The following ARMC8 variants were observed in gnomAD, a reference collection of about 807,000 sequenced individuals.
ARMC8 encodes the protein armadillo repeat containing 8.
In ARMC8, 20 loss-of-function variants were observed where a neutral mutation model predicts 99.3. That is an observed-to-expected ratio of 0.20 (90% CI 0.14 to 0.29). The LOEUF (loss-of-function observed/expected upper bound fraction) is 0.29. Ranked by LOEUF, ARMC8 falls within the 10% of genes least tolerant of loss-of-function variation. ARMC8 has a pLI of 1.00. For synonymous variants in ARMC8, 263 were observed against 278.3 expected (o/e 0.95, Z 0.55); for missense variants, 569 against 809.5 (o/e 0.70, Z 3.60).
intron 1 of ARMC8, among the ~76,000 whole-genome samples, chr3:138,198,067 C>T (rs1017505886): frequency 2.6e-5 from 4 of 152,138 alleles, no homozygotes; most frequent in Non-Finnish European, 4.4e-5. Flanking sequence ...TGGTGCCGTA[C>T]ACCTGTAGTC....
At chr3:138,294,629 G>A (rs2051295795) in intron 21 of ARMC8, among the ~76,000 whole-genome samples, 1 of 152,134 alleles carries the variant, frequency 6.6e-6, no homozygotes, top group Non-Finnish European at 1.5e-5. Context: ...TGTATGCATA[G>A]TCTACTTGGT....
At chr3:138,287,553 A>G in intron 19 of ARMC8, 1 of 451,340 alleles carries the variant, frequency 2.2e-6, no homozygotes, top group Non-Finnish European at 4.5e-6. Flanking sequence ...TATAGTATAT[A>G]CAAGCTCATT....
intron 6 of ARMC8, among the ~76,000 whole-genome samples, chr3:138,234,571 A>G (rs2046235661): frequency 6.6e-6 from 1 of 152,082 alleles, no homozygotes; most frequent in Non-Finnish European, 1.5e-5. Flanking sequence ...TCCTTTTACA[A>G]TTCATTTTTA....
intron 1 of ARMC8, among the ~76,000 whole-genome samples, chr3:138,196,985 A>G (rs1002672526): frequency 3.9e-5 from 6 of 152,146 alleles, no homozygotes; most frequent in Admixed American, 3.9e-4. Context: ...AAGAGCTACA[A>G]TTTTTTACCC....
rs890069466 is a variant in ARMC8, at chr3:138,278,623, G to A, written c.1725+4079G>A. Among the ~76,000 whole-genome samples, 11 of 152,012 alleles carry A rather than the reference G, an allele frequency of 7.2e-5. No individual in the cohort carries two copies. The South Asian group carries it at 1.2e-3, about 17-fold the overall frequency. On this transcript the variant is annotated intron_variant, in intron 18 of 21. Coordinates refer to ENST00000469044, the MANE Select transcript of ARMC8 (RefSeq NM_001363941.2). ...TGAAATGCCACTTGGGATTTCGATC[G>A]TATTGTATTTATAAATAAATTTGGG...
intron 5 of ARMC8, among the ~76,000 whole-genome samples, chr3:138,225,794 A>G (rs931388698): frequency 6.6e-6 from 1 of 152,188 alleles, no homozygotes; most frequent in Non-Finnish European, 1.5e-5. Context: ...CAGGCTTTAT[A>G]AATATTTCAA....
At chr3:138,199,016 T>C (rs1353076546) in intron 1 of ARMC8, among the ~76,000 whole-genome samples, 2 of 152,190 alleles carry the variant, frequency 1.3e-5, no homozygotes, top group Non-Finnish European at 2.9e-5. Flanking sequence ...GTAGATTCCA[T>C]GCTAGGAATC....
At chr3:138,201,436 C>CCTTTT (rs2044064743) in intron 1 of ARMC8, among the ~76,000 whole-genome samples, 2 of 64,932 alleles carry the variant, frequency 3.1e-5, no homozygotes, top group Non-Finnish European at 6.8e-5. Flanking sequence ...CTTCCCCTCC[C>CCTTTT]TTTTTTTTTT....
rs2046965530 is a variant in ARMC8 at position 138,248,140 on chromosome 3, G to C, written c.1134+2957G>C. Among the ~76,000 whole-genome samples, 3 of 152,142 alleles carry C rather than the reference G, an allele frequency of 2.0e-5. 1 individual carries two copies. The highest frequency in any genetic ancestry group is 2.0e-4 in the Admixed American group (3 of 15,270). On this transcript the variant is annotated intron_variant, in intron 12 of 21. Transcript: ENST00000469044. ...CTGGTGGAAAGAGTTGTGCAGGTGA[G>C]AGTGAAAAATACTACCATTGACTGT... is the stretch of plus-strand genomic sequence containing the variant.
intron 2 of ARMC8, 52 bp downstream of exon 2, chr3:138,209,945 T>C: frequency 7.3e-7 from 1 of 1,369,014 alleles, no homozygotes; most frequent in South Asian, 1.2e-5. Context: ...TTTTCATGTT[T>C]TAATCTGCCA....
rs1157384293 is a variant in ARMC8, at chr3:138,187,378, C to A, written c.-177C>A. 4 of 599,408 alleles carry A rather than the reference C, an allele frequency of 6.7e-6. No individual in the cohort carries two copies. The highest frequency in any genetic ancestry group is 1.2e-5 in the Non-Finnish European group (4 of 338,610). 37.1% of individuals were successfully genotyped at this position (599,408 alleles called of 1,614,324 possible). On this transcript the variant is annotated 5_prime_UTR_variant, in exon 1 of 22. Coordinates refer to ENST00000469044, the MANE Select transcript of ARMC8 (RefSeq NM_001363941.2). ...TCGTAGGACAGCCCCTGACGCCATTCCCTTTTGCCCTTCTTTCTGCGGGCC... is the reference window on the plus strand; with the variant it reads ...TCGTAGGACAGCCCCTGACGCCATTACCTTTTGCCCTTCTTTCTGCGGGCC...
chr3:138,232,983 A>T (rs184268560), intron 6 of ARMC8, among the ~76,000 whole-genome samples: 47 of 152,358 alleles, frequency 3.1e-4, no homozygotes, highest in Admixed American at 2.7e-3. Context: ...TGATGACATA[A>T]GCTGAGGCTA....
chr3:138,264,459 A>G (rs556875808), intron 14 of ARMC8, among the ~76,000 whole-genome samples: 113 of 113,322 alleles, frequency 1.0e-3, no homozygotes, highest in Admixed American at 3.5e-3. Context: ...TAGCTCTGTC[A>G]CCCAGGCTGG....
At chr3:138,213,345 A>G (rs1181257930) in intron 2 of ARMC8, among the ~76,000 whole-genome samples, 1 of 152,210 alleles carries the variant, frequency 6.6e-6, no homozygotes, top group Non-Finnish European at 1.5e-5. Flanking sequence ...CTTAATTTTC[A>G]ATTGTTGAAG....
At chr3:138,273,151 G>T in intron 17 of ARMC8, 35 bp downstream of exon 17, 1 of 1,591,654 alleles carries the variant, frequency 6.3e-7, no homozygotes. Context: ...AAATTAGCTA[G>T]CCCTGCATAT....
intron 12 of ARMC8, chr3:138,246,482 T>A (rs953264208): frequency 7.1e-6 from 7 of 985,380 alleles, no homozygotes; most frequent in African/African-American, 1.7e-5. Flanking sequence ...GAGGCTTTTA[T>A]AACAATAGAT....
At chr3:138,236,812 G>T (rs1270140924) in intron 7 of ARMC8, among the ~76,000 whole-genome samples, 1 of 152,038 alleles carries the variant, frequency 6.6e-6, no homozygotes, top group African/African-American at 2.4e-5. Flanking sequence ...TTGGGCCCTT[G>T]GTATTATCCC....
intron 12 of ARMC8, among the ~76,000 whole-genome samples, chr3:138,256,037 A>G (rs2047383900): frequency 2.0e-5 from 3 of 152,258 alleles, no homozygotes; most frequent in Non-Finnish European, 4.4e-5. Context: ...ATTCTTTGCT[A>G]GAGGAAAATG....
In ARMC8 at chr3:138,216,045, A is replaced by AT. The variant is rs755521341; in HGVS notation, c.123-5859dup. On this transcript the variant is annotated intron_variant, in intron 2 of 21. Coordinates refer to ENST00000469044, the MANE Select transcript of ARMC8 (RefSeq NM_001363941.2). ...TACTGCATGCCACCATGCCCAGCTA[A>AT]TTTTTTTTTTTTTTTTTTTTTTAAG... 8.0e-3 allele frequency among the ~76,000 whole-genome samples: 1,028 copies of AT among 128,514 alleles called. 6 individuals are homozygous for AT. Among genetic ancestry groups the AT allele is most frequent in the Non-Finnish European group, 0.011 (647 of 59,464 alleles). The allele number at this position is 128,514 out of a possible 152,430, so 84.3% of individuals were successfully genotyped here.
Sources: allele counts gnomAD v4.1 joint callset (sites outside exome capture counted in the v4.1 genomes callset), GRCh38; gene constraint gnomAD v4.1.1; transcripts MANE v1.5; gene names NCBI Gene and HGNC (gene_info 2026-07-23, HGNC 2026-07-21).